The following LRBA variants were observed in gnomAD, a reference collection of about 807,000 sequenced individuals.
LRBA encodes the protein LPS responsive beige-like anchor protein.
LRBA carries 176 observed loss-of-function variants against 330.0 expected under a neutral mutation model. That is an observed-to-expected ratio of 0.53 (90% CI 0.47 to 0.60). The LOEUF is 0.60. LRBA is among the 20% of genes least tolerant of loss of function. The pLI is 0.00. For synonymous variants in LRBA, 1,230 were observed against 1,193.0 expected (o/e 1.03, Z -0.64); for missense variants, 3,259 against 3,444.8 (o/e 0.95, Z 1.35).
chr4:150,559,661 TAA>T lies in LRBA; in HGVS notation c.6330+28385_6330+28386del, dbSNP rs1491418330. On this transcript the variant is annotated intron_variant, in intron 40 of 56. Coordinates refer to ENST00000651943, the MANE Select transcript of LRBA (RefSeq NM_001364905.1). Reference sequence around the variant, plus strand: ...ATTTATATAATATAATATATAATTATAATATATATATTATATAATATATTATA... The same window carrying T: ...ATTTATATAATATAATATATAATTATTATATATATTATATAATATATTATA... Among the ~76,000 whole-genome samples the T allele has an allele frequency of 6.8e-5, 6 of 88,770 alleles. No homozygotes were observed. In the East Asian group the frequency reaches 8.1e-4, roughly 12 times the overall value. The allele number at this position is 88,770 out of a possible 152,430, so 58.2% of individuals were successfully genotyped here. A position where few individuals can be genotyped will look rare whatever the true frequency, so the allele number is the denominator to read the frequency against.
chr4:150,909,638 G>A (rs1312524125), intron 9 of LRBA, among the ~76,000 whole-genome samples: 4 of 152,088 alleles, frequency 2.6e-5, no homozygotes, highest in South Asian at 4.1e-4. Flanking sequence ...GTGCAAATAC[G>A]TCTCTGTGAT....
At chr4:150,851,786 T>C in intron 23 of LRBA, 99 bp downstream of exon 23, 1 of 1,276,652 alleles carries the variant, frequency 7.8e-7, no homozygotes, top group Non-Finnish European at 1.0e-6. Context: ...GTGAATAGCA[T>C]GTGAACCAAA....
chr4:151,013,495 C>T (rs1443016468), intron 2 of LRBA: 1 of 152,146 alleles, frequency 6.6e-6, no homozygotes, highest in African/African-American at 2.4e-5. Context: ...AGTGAGACCT[C>T]ATCTCTAAAT....
At chr4:150,315,019 T>A (rs1459216483) in intron 51 of LRBA, 3 of 154,158 alleles carry the variant, frequency 1.9e-5, no homozygotes, top group Non-Finnish European at 4.3e-5. Flanking sequence ...ATTTCAACTT[T>A]GAAACTGCTC....
chr4:150,524,219 C>G (rs1331176306), intron 40 of LRBA, among the ~76,000 whole-genome samples: 3 of 152,132 alleles, frequency 2.0e-5, no homozygotes, highest in Admixed American at 6.5e-5. Flanking sequence ...AGGATGGGAA[C>G]AGCAGAAATT....
At chr4:150,511,532 A>G (rs1253458608) in intron 40 of LRBA, among the ~76,000 whole-genome samples, 3 of 152,132 alleles carry the variant, frequency 2.0e-5, no homozygotes, top group African/African-American at 7.2e-5. Context: ...TGGTCTTCCT[A>G]ACTGCAATGC....
At chr4:150,381,330 T>C (rs1407689944) in intron 47 of LRBA, among the ~76,000 whole-genome samples, 1 of 152,138 alleles carries the variant, frequency 6.6e-6, no homozygotes, top group African/African-American at 2.4e-5. Context: ...AAAAAGAAAC[T>C]CCGTACCTAT....
chr4:150,828,488 T>C lies in LRBA; in HGVS notation c.4863A>G (p.Val1621=). The part of the protein sequence containing the change: ...TATGLGSHVE[V]TPHTAPPGVS... ...CACCAGGAGGTGCTGTGTGAGGAGT[T>C]ACTTCCACATGGCTTCCTAAACCAG... The change falls in exon 30 of 57, where the codon GTA becomes GTG. Residue 1621 remains valine (V), a synonymous_variant. Coordinates refer to ENST00000651943, the MANE Select transcript of LRBA (RefSeq NM_001364905.1). 5 of 1,614,130 alleles carry C rather than the reference T, an allele frequency of 3.1e-6. No individual in the cohort carries two copies. Among genetic ancestry groups the C allele is most frequent in the Non-Finnish European group, 4.2e-6 (5 of 1,180,004 alleles).
intron 13 of LRBA, among the ~76,000 whole-genome samples, chr4:150,902,566 T>TA (rs1730855936): frequency 6.6e-6 from 1 of 152,174 alleles, no homozygotes; most frequent in African/African-American, 2.4e-5. Context: ...TTCATTTACA[T>TA]AGGGCATACA....
chr4:150,634,388 T>C lies in LRBA; in HGVS notation c.5922-35257A>G, dbSNP rs149866642. 4.1e-3 allele frequency among the ~76,000 whole-genome samples: 629 copies of C among 152,296 alleles called. 4 individuals are homozygous for C. The highest frequency in any genetic ancestry group is 0.015 in the African/African-American group (607 of 41,560). On this transcript the variant is annotated intron_variant, in intron 37 of 56. Coordinates refer to ENST00000651943, the MANE Select transcript of LRBA (RefSeq NM_001364905.1). ...TGTTTATTATGGGAGCTCTGAGGCA[T>C]AGCATAGTGACTGGCACATAACAGG...
chr4:150,516,217 CTTTTTTTTT>C (rs869205771), intron 40 of LRBA, among the ~76,000 whole-genome samples: 437 of 29,426 alleles, frequency 0.015, 1 homozygote, highest in African/African-American at 0.033. Flanking sequence ...TTTCTATTCT[CTTTTTTTTT>C]TTTTTTTTTT....
intron 2 of LRBA, among the ~76,000 whole-genome samples, chr4:150,934,941 G>A (rs529547112): frequency 1.5e-4 from 23 of 151,850 alleles, no homozygotes; most frequent in Non-Finnish European, 2.8e-4. Flanking sequence ...CTGGGAGGTG[G>A]AGGATGCGGT....
chr4:150,655,389 T>C (rs1780086032), intron 37 of LRBA, among the ~76,000 whole-genome samples: 1 of 152,204 alleles, frequency 6.6e-6, no homozygotes. Context: ...TTTTATCCTT[T>C]TTAGACTTTT....
chr4:150,536,193 C>G (rs1764638350), intron 40 of LRBA, among the ~76,000 whole-genome samples: 1 of 152,024 alleles, frequency 6.6e-6, no homozygotes, highest in Non-Finnish European at 1.5e-5. Flanking sequence ...CAACCAGATA[C>G]AATGAGGATT....
intron 47 of LRBA, among the ~76,000 whole-genome samples, chr4:150,401,853 A>G (rs1745507979): frequency 6.6e-6 from 1 of 152,090 alleles, no homozygotes; most frequent in Non-Finnish European, 1.5e-5. Flanking sequence ...GTGTGTATAT[A>G]TAATTATGTG....
rs751116268 is a variant in LRBA at position 150,267,591 on chromosome 4, C to CTT, written c.8469-1781_8469-1780dup. 1.2e-4 allele frequency among the ~76,000 whole-genome samples: 18 copies of CTT among 152,212 alleles called. No homozygotes were observed. The South Asian group carries it at 3.7e-3, about 32-fold the overall frequency. On this transcript the variant is annotated intron_variant, in intron 56 of 56. Transcript: ENST00000651943. ...AAAATATCTCAAATCAATAACCTAACTTTACCTCTTAAGGAACTAGAAAAC... is the reference window on the plus strand; with the variant it reads ...AAAATATCTCAAATCAATAACCTAACTTTTTACCTCTTAAGGAACTAGAAAAC...
At chr4:150,706,599 C>CA (rs1009975947) in intron 36 of LRBA, among the ~76,000 whole-genome samples, 119 of 138,208 alleles carry the variant, frequency 8.6e-4, no homozygotes, top group African/African-American at 1.7e-3. Flanking sequence ...ACACATTTAA[C>CA]AAAAAAAAAA....
intron 37 of LRBA, among the ~76,000 whole-genome samples, chr4:150,643,527 T>C (rs1455594004): frequency 6.6e-6 from 1 of 151,870 alleles, no homozygotes; most frequent in Non-Finnish European, 1.5e-5. Flanking sequence ...TGGACAAAAA[T>C]GCTGCATGCA....
At chr4:150,862,840 G>A (rs1752130755) in intron 22 of LRBA, among the ~76,000 whole-genome samples, 1 of 152,008 alleles carries the variant, frequency 6.6e-6, no homozygotes, top group Non-Finnish European at 1.5e-5. Flanking sequence ...TTAGCTGAGT[G>A]TGGAGGTGCA....
Sources: allele counts gnomAD v4.1 joint callset (sites outside exome capture counted in the v4.1 genomes callset), GRCh38; gene constraint gnomAD v4.1.1; transcripts MANE v1.5; gene names NCBI Gene and HGNC (gene_info 2026-07-23, HGNC 2026-07-21).